The following FAT1 variants were observed in gnomAD, a reference collection of about 807,000 sequenced individuals.
FAT1 encodes the protein protocadherin Fat 1.
In FAT1, 171 loss-of-function variants were observed where a neutral mutation model predicts 329.8. The ratio of observed to expected loss-of-function variants is 0.52; its 90% CI spans 0.46 to 0.59. The LOEUF (loss-of-function observed/expected upper bound fraction) is 0.59. FAT1 is among the 20% of genes least tolerant of loss of function. The pLI is 0.00. For missense variants in FAT1, 5,672 were observed against 5,774.4 expected (o/e 0.98, Z 0.57); for synonymous variants, 2,233 against 2,228.6 (o/e 1.00, Z -0.06).
intron 9 of FAT1, among the ~76,000 whole-genome samples, chr4:186,623,393 G>A (rs2126531455): frequency 6.6e-6 from 1 of 152,310 alleles, no homozygotes; most frequent in South Asian, 2.1e-4. Context: ...CTAAAATTGT[G>A]ACTGACTGCC....
intron 3 of FAT1, among the ~76,000 whole-genome samples, chr4:186,647,552 G>A (rs1741437141): frequency 6.6e-6 from 1 of 152,120 alleles, no homozygotes; most frequent in Non-Finnish European, 1.5e-5. Flanking sequence ...TCTAGGATTA[G>A]AATGTTCTCT....
intron 3 of FAT1, among the ~76,000 whole-genome samples, chr4:186,659,967 C>A (rs578199641): frequency 1.3e-5 from 2 of 152,214 alleles, no homozygotes; most frequent in African/African-American, 2.4e-5. Context: ...TCTACACACA[C>A]GAGCCTCAAC....
At chr4:186,679,470 T>C (rs1330327694) in intron 2 of FAT1, among the ~76,000 whole-genome samples, 1 of 149,496 alleles carries the variant, frequency 6.7e-6, no homozygotes, top group Non-Finnish European at 1.5e-5. Flanking sequence ...CCCACACATC[T>C]GGTGTCAGAA....
chr4:186,712,304 A>C (rs1203736035), intron 1 of FAT1, among the ~76,000 whole-genome samples: 1 of 152,202 alleles, frequency 6.6e-6, no homozygotes, highest in East Asian at 1.9e-4. Context: ...CTTCTGGAGA[A>C]CCGGTAGAGA....
intron 3 of FAT1, among the ~76,000 whole-genome samples, chr4:186,647,448 A>C (rs139245473): frequency 0.025 from 3,797 of 152,284 alleles, 67 homozygotes; most frequent in Middle Eastern, 0.085. Context: ...CCAGAGTCCA[A>C]GCTCTTAATT....
intron 2 of FAT1, among the ~76,000 whole-genome samples, chr4:186,700,407 C>T (rs998766611): frequency 2.0e-5 from 3 of 152,220 alleles, no homozygotes; most frequent in Non-Finnish European, 2.9e-5. Context: ...CCCACGCCTT[C>T]GCTGGCCTGA....
chr4:186,615,429 T>A (rs953684541), intron 11 of FAT1, among the ~76,000 whole-genome samples: 1 of 151,996 alleles, frequency 6.6e-6, no homozygotes, highest in South Asian at 2.1e-4. Flanking sequence ...AACTCCTCCA[T>A]CCTCTTCACA....
chr4:186,602,291 T>C (rs1490119360), intron 20 of FAT1, among the ~76,000 whole-genome samples: 1 of 152,176 alleles, frequency 6.6e-6, no homozygotes, highest in African/African-American at 2.4e-5. Flanking sequence ...AATATAGTGA[T>C]ACAAAAAAAT....
intron 26 of FAT1, among the ~76,000 whole-genome samples, chr4:186,595,411 T>C (rs1738452037): frequency 6.6e-6 from 1 of 152,104 alleles, no homozygotes. Context: ...ATATTAACTG[T>C]TGTGAAAAAA....
At chr4:186,625,798 G>C (rs1004317345) in intron 9 of FAT1, among the ~76,000 whole-genome samples, 1 of 152,204 alleles carries the variant, frequency 6.6e-6, no homozygotes, top group African/African-American at 2.4e-5. Context: ...TGTACAGACT[G>C]TATGCTCTAA....
chr4:186,666,866 GC>G (rs1200961329), intron 2 of FAT1, among the ~76,000 whole-genome samples: 8 of 152,180 alleles, frequency 5.3e-5, no homozygotes, highest in Non-Finnish European at 8.8e-5. Context: ...CTTTCCCAGG[GC>G]CACAGTGAAT....
chr4:186,717,582 A>C (rs556755870), intron 1 of FAT1, among the ~76,000 whole-genome samples: 83 of 152,356 alleles, frequency 5.4e-4, no homozygotes, highest in African/African-American at 1.9e-3. Flanking sequence ...ACATGATTTA[A>C]TCAATCCAAA....
Position 186,617,828 on chromosome 4 carries a change from C to T in FAT1, c.8758G>A (p.Ala2920Thr), listed in dbSNP as rs1739788096. The T allele has an allele frequency of 6.2e-7, 1 of 1,613,844 alleles. No individual in the cohort carries two copies. The highest frequency in any genetic ancestry group is 8.5e-7 in the Non-Finnish European group (1 of 1,179,858). ...DVNDSPPRFT[A>T]EIYKGTVSED... ...CTCACAGTCCCTTTATAGATCTCGG[C>T]CGTGAATCGTGGTGGACTATCGTTG... Residue 2920 changes from alanine to threonine, a missense_variant, in exon 10 of 27, where the codon GCC (alanine) becomes ACC (threonine). Ala to Thr is a moderately conservative substitution (Grantham distance 58, BLOSUM62 0). Coordinates refer to ENST00000441802, the MANE Select transcript of FAT1 (RefSeq NM_005245.4).
At chr4:186,601,493 C>A in intron 20 of FAT1, 67 bp from the exon 21 acceptor site, 1 of 1,346,456 alleles carries the variant, frequency 7.4e-7, no homozygotes, top group Admixed American at 1.9e-5. Context: ...AAGTATGACT[C>A]CCCTGCACCC....
intron 12 of FAT1, 101 bp downstream of exon 12, chr4:186,614,090 G>A (rs924679900): frequency 9.4e-7 from 1 of 1,059,448 alleles, no homozygotes; most frequent in Non-Finnish European, 1.4e-6. Context: ...CATTTGAAAA[G>A]GGCAAAATGT....
intron 2 of FAT1, among the ~76,000 whole-genome samples, chr4:186,690,235 G>C (rs1194189910): frequency 1.3e-5 from 2 of 152,194 alleles, no homozygotes; most frequent in African/African-American, 4.8e-5. Flanking sequence ...CTATTCATTA[G>C]AATGCTGGTA....
chr4:186,590,655 T>C (rs1384632339), intron 26 of FAT1: 1 of 456,200 alleles, frequency 2.2e-6, no homozygotes, highest in East Asian at 7.0e-5. Flanking sequence ...GCCAGAAAAC[T>C]CAAATATTAC....
In FAT1 at chr4:186,603,550, T is replaced by C. The variant is rs372192667; in HGVS notation, c.10976A>G (p.Tyr3659Cys). 6.2e-7 allele frequency: 1 copy of C among 1,613,868 alleles called. No individual in the cohort carries two copies. Among genetic ancestry groups the C allele is most frequent in the African/African-American group, 1.3e-5 (1 of 74,908 alleles). ...NLTPEEFVGD[Y>C]WRNFQRALRN... The stretch of plus-strand genomic sequence containing the variant: ...TAAAGCTCGCTGGAAGTTGCGCCAG[T>C]AGTCACCAACGAATTCTTCCGGAGT... The change falls in exon 19 of 27, where the codon TAC (tyrosine) becomes TGC (cysteine). Residue 3659 changes from tyrosine (Y) to cysteine (C), a missense_variant. Tyr to Cys is a radical substitution (Grantham distance 194). Transcript: ENST00000441802.
At chr4:186,694,918 T>C (rs929956859) in intron 2 of FAT1, among the ~76,000 whole-genome samples, 2 of 152,280 alleles carry the variant, frequency 1.3e-5, no homozygotes, top group African/African-American at 4.8e-5. Flanking sequence ...GCCAAGATCG[T>C]GCCACTGCAC....
Sources: allele counts gnomAD v4.1 joint callset (sites outside exome capture counted in the v4.1 genomes callset), GRCh38; gene constraint gnomAD v4.1.1; transcripts MANE v1.5; gene names NCBI Gene and HGNC (gene_info 2026-07-23, HGNC 2026-07-21).